The following L1TD1 variants were observed in gnomAD, a reference collection of about 807,000 sequenced individuals.
L1TD1 encodes LINE1 type transposase domain containing 1, also known as LINE-1 type transposase domain-containing protein 1.
In L1TD1, 26 loss-of-function variants were observed where a neutral mutation model predicts 25.7. The ratio of observed to expected loss-of-function variants is 1.01; its 90% confidence interval spans 0.74 to 1.40. The LOEUF (loss-of-function observed/expected upper bound fraction) is 1.40. L1TD1 is among the 40% of genes most tolerant of loss of function. L1TD1 has a pLI of 0.00. For missense variants in L1TD1, 1,130 were observed against 975.0 expected, an observed-to-expected ratio of 1.16 and a Z score of -2.12; for synonymous variants, 421 against 335.6, an observed-to-expected ratio of 1.25 and a Z score of -2.78.
chr1:62,207,655 A>T lies in L1TD1; in HGVS notation c.1008+19A>T. 1 of 1,502,128 alleles carries T rather than the reference A, an allele frequency of 6.7e-7. No individual in the cohort carries two copies. The highest frequency in any genetic ancestry group is 8.9e-7 in the Non-Finnish European group (1 of 1,126,744). The allele number at this position is 1,502,128 out of a possible 1,614,324, so 93.0% of individuals were successfully genotyped here. Reference sequence around the variant, plus strand: ...AAAAAGGGTAAGCATACAAATGTATAAATGTATAAAGCTTATGTATAAATG... The same window carrying T: ...AAAAAGGGTAAGCATACAAATGTATTAATGTATAAAGCTTATGTATAAATG... On this transcript the variant is annotated intron_variant, in intron 3 of 3. Coordinates refer to ENST00000498273, the MANE Select transcript of L1TD1 (RefSeq NM_019079.5).
intron 2 of L1TD1, among the ~76,000 whole-genome samples, chr1:62,200,072 CTTA>C (rs1175968952): frequency 6.6e-6 from 1 of 152,056 alleles, no homozygotes; most frequent in African/African-American, 2.4e-5. Flanking sequence ...CTAATATACT[CTTA>C]TTATGTATGG....
Position 62,210,322 on chromosome 1 carries a change from G to T in L1TD1, c.1548G>T (p.Gly516=). 3.1e-6 allele frequency: 5 copies of T among 1,613,974 alleles called. No individual in the cohort carries two copies. The highest frequency in any genetic ancestry group is 4.2e-6 in the Non-Finnish European group (5 of 1,180,014). The change falls in exon 4 of 4, where the codon GGG becomes GGT. Residue 516 remains glycine (G), a synonymous_variant. Transcript: ENST00000498273. ...AAATTCCCTTTAGTTATTTGGTTGG[G>T]GACTCTGGGAAGAAAAAGTTGGTGA... ...QKEIPFSYLV[G]DSGKKKLVKH...
chr1:62,199,084 A>T (rs1670595671), intron 2 of L1TD1, among the ~76,000 whole-genome samples: 2 of 152,196 alleles, frequency 1.3e-5, no homozygotes, highest in East Asian at 3.8e-4. Context: ...CTTCTTGATC[A>T]GGGATTTTGA....
At chr1:62,200,305 T>C (rs970444378) in intron 2 of L1TD1, among the ~76,000 whole-genome samples, 2 of 152,014 alleles carry the variant, frequency 1.3e-5, no homozygotes, top group Admixed American at 6.6e-5. Context: ...ACCTCCCGAG[T>C]AGCTGGTGGA....
Position 62,209,768 on chromosome 1 carries a change from T to C in L1TD1, c.1009-15T>C. 6.9e-7 allele frequency: 1 copy of C among 1,459,832 alleles called. No individual in the cohort carries two copies. The highest frequency in any genetic ancestry group is 9.2e-7 in the Non-Finnish European group (1 of 1,084,314). 90.4% of individuals were successfully genotyped at this position (1,459,832 alleles called of 1,614,324 possible). On this transcript the variant is annotated splice_polypyrimidine_tract_variant and intron_variant, in intron 3 of 3. Transcript: ENST00000498273. Reference sequence around the variant, plus strand: ...AACAAATAACTCTTTTTTTTCTTCTTTGTTTAACTTTCAGGATAAAACCCT... The same window carrying C: ...AACAAATAACTCTTTTTTTTCTTCTCTGTTTAACTTTCAGGATAAAACCCT...
intron 2 of L1TD1, among the ~76,000 whole-genome samples, chr1:62,206,298 T>C (rs971381189): frequency 6.6e-6 from 1 of 152,194 alleles, no homozygotes; most frequent in African/African-American, 2.4e-5. Flanking sequence ...ATCTGCTCTT[T>C]GGTTAATTTA....
In L1TD1 at chr1:62,211,264, A is replaced by C; in HGVS notation, c.2490A>C (p.Ala830=). The change falls in exon 4 of 4, where the codon GCA becomes GCC. Residue 830 remains alanine, a synonymous_variant. Coordinates refer to ENST00000498273, the MANE Select transcript of L1TD1 (RefSeq NM_019079.5). ...GAATCCTATATCCAGCCAAAATGGC[A>C]TTTGATTTTAGGGGTAAAACAAAGG... The part of the protein sequence containing the change: ...NPRILYPAKM[A]FDFRGKTKVF... The C allele has an allele frequency of 1.2e-6, 2 of 1,606,604 alleles. No individual in the cohort carries two copies. Among genetic ancestry groups the C allele is most frequent in the Non-Finnish European group, 1.7e-6 (2 of 1,175,962 alleles).
chr1:62,205,430 TATATA>T (rs1557443577), intron 2 of L1TD1, among the ~76,000 whole-genome samples: 3 of 74,018 alleles, frequency 4.1e-5, no homozygotes, highest in African/African-American at 1.4e-4. Context: ...TATATATATA[TATATA>T]TATATATATT....
chr1:62,203,112 C>T (rs1221182322), intron 2 of L1TD1, among the ~76,000 whole-genome samples: 1 of 152,074 alleles, frequency 6.6e-6, no homozygotes, highest in African/African-American at 2.4e-5. Context: ...AGGTGTGAGC[C>T]ACTGCGCTTG....
chr1:62,199,498 C>CAAA (rs34456833), intron 2 of L1TD1, among the ~76,000 whole-genome samples: 2,935 of 134,020 alleles, frequency 0.022, 94 homozygotes, highest in African/African-American at 0.063. Flanking sequence ...ACTCTTGTAT[C>CAAA]AAAAAAAAAA....
At chr1:62,208,638 C>G (rs531843491) in intron 3 of L1TD1, among the ~76,000 whole-genome samples, 1 of 152,190 alleles carries the variant, frequency 6.6e-6, no homozygotes, top group East Asian at 1.9e-4. Flanking sequence ...ACTACCACAC[C>G]CAGCTAATTT....
chr1:62,201,670 C>T (rs113644825), intron 2 of L1TD1, among the ~76,000 whole-genome samples: 1 of 152,022 alleles, frequency 6.6e-6, no homozygotes, highest in Non-Finnish European at 1.5e-5. Flanking sequence ...GTAAAAACTT[C>T]AGTATGTAGC....
chr1:62,200,414 G>A (rs914763783), intron 2 of L1TD1, among the ~76,000 whole-genome samples: 3 of 152,100 alleles, frequency 2.0e-5, no homozygotes, highest in Non-Finnish European at 2.9e-5. Context: ...CAGATGATCC[G>A]CCTGCCTTGG....
At chr1:62,204,285 A>G (rs1557442773) in intron 2 of L1TD1, among the ~76,000 whole-genome samples, 1 of 151,966 alleles carries the variant, frequency 6.6e-6, no homozygotes, top group Admixed American at 6.6e-5. Flanking sequence ...TGATCTGGTA[A>G]TTTAACTTTA....
chr1:62,206,508 T>G lies in L1TD1; in HGVS notation c.-110-11T>G. Reference sequence around the variant, plus strand: ...CTTTAGTAAGTAATTTTTCATTTTTTTGTATTTCAGATTGACGTATTTTAA... The same window carrying G: ...CTTTAGTAAGTAATTTTTCATTTTTGTGTATTTCAGATTGACGTATTTTAA... On this transcript the variant is annotated splice_polypyrimidine_tract_variant and intron_variant, in intron 2 of 3. Transcript: ENST00000498273. 5 of 1,027,330 alleles carry G rather than the reference T, an allele frequency of 4.9e-6. No homozygotes were observed. The highest frequency in any genetic ancestry group is 6.6e-6 in the Non-Finnish European group (5 of 762,684). The allele number at this position is 1,027,330 out of a possible 1,614,324, so 63.6% of individuals were successfully genotyped here.
Position 62,211,169 on chromosome 1 carries a change from G to GAC in L1TD1, c.2400_2401dup (p.Leu801HisfsTer57). ...CAGGTTGACAGCAGACTTATCACTG[G>GAC]ACACACTGGATGCTAGAAGTAAATG... On this transcript the variant is annotated frameshift_variant, in exon 4 of 4. Transcript: ENST00000498273. LOFTEE classifies it low-confidence loss of function (END_TRUNC). The GAC allele has an allele frequency of 6.4e-7, 1 of 1,551,342 alleles. No homozygotes were observed. The highest frequency in any genetic ancestry group is 8.7e-7 in the Non-Finnish European group (1 of 1,146,896).
Position 62,206,975 on chromosome 1 carries a change from T to G in L1TD1, c.347T>G (p.Val116Gly). ...INLALQKTGM[V>G]GKIEGENSKI... is the part of the protein sequence containing the mutation. ...TTAGCATTACAAAAAACAGGGATGG[T>G]AGGGAAAATAGAAGGAGAAAACTCT... Residue 116 changes from valine to glycine, a missense_variant, in exon 3 of 4, where the codon GTA (valine) becomes GGA (glycine). Transcript: ENST00000498273. 6.2e-7 allele frequency: 1 copy of G among 1,613,136 alleles called. No individual in the cohort carries two copies. The highest frequency in any genetic ancestry group is 8.5e-7 in the Non-Finnish European group (1 of 1,179,810).
intron 2 of L1TD1, among the ~76,000 whole-genome samples, chr1:62,202,345 TTCCTTCTC>T (rs1396472591): frequency 6.6e-6 from 1 of 151,904 alleles, no homozygotes; most frequent in Non-Finnish European, 1.5e-5. Context: ...TTAATATTGA[TTCCTTCTC>T]TTTTTTAGTA....
rs1490417017 is a variant in L1TD1 at position 62,211,136 on chromosome 1, A to G, written c.2362A>G (p.Thr788Ala). 16 of 1,549,518 alleles carry G rather than the reference A, an allele frequency of 1.0e-5. No homozygotes were observed. The highest frequency in any genetic ancestry group is 1.4e-5 in the Non-Finnish European group (16 of 1,146,522). Residue 788 changes from threonine (T) to alanine (A), a missense_variant, in exon 4 of 4, where the codon ACA becomes GCA. Physicochemically the swap from Thr to Ala is moderately conservative, Grantham distance 58 (BLOSUM62 0). Transcript: ENST00000498273. The part of the protein sequence containing the change: ...RERREITYQG[T>A]RIRLTADLSL... ...GAGAAGAGAAATTACCTACCAAGGA[A>G]CAAGAATCAGGTTGACAGCAGACTT...
Sources: allele counts gnomAD v4.1 joint callset (sites outside exome capture counted in the v4.1 genomes callset), GRCh38; gene constraint gnomAD v4.1.1; transcripts MANE v1.5; gene names NCBI Gene and HGNC (gene_info 2026-07-23, HGNC 2026-07-21).